DCAF1: variants seen among roughly 807,000 people sequenced by gnomAD.
DCAF1 encodes DDB1- and CUL4-associated factor 1.
Under a neutral mutation model 128.0 loss-of-function variants are expected in DCAF1, and 15 were observed. The observed-to-expected ratio is 0.12, with a 90% CI of 0.08 to 0.18. The LOEUF (loss-of-function observed/expected upper bound fraction) is 0.18. DCAF1 is among the 10% of genes least tolerant of loss of function. The pLI is 1.00. For missense variants in DCAF1, 988 were observed against 1,649.5 expected, an observed-to-expected ratio of 0.60 and a Z score of 6.95; for synonymous variants, 610 against 603.0, an observed-to-expected ratio of 1.01 and a Z score of -0.17.
chr3:51,402,999 G>T (rs2089842074), intron 24 of DCAF1, 144 bp downstream of exon 24: 5 of 1,336,432 alleles, frequency 3.7e-6, no homozygotes. Context: ...ATGCAAAGGT[G>T]CTTTGCCTCA....
chr3:51,472,172 T>C (rs1319417437), intron 3 of DCAF1, among the ~76,000 whole-genome samples: 1 of 152,202 alleles, frequency 6.6e-6, no homozygotes, highest in East Asian at 1.9e-4. Context: ...TGCTGCTTCC[T>C]GACCACTTCT....
At chr3:51,468,011 G>C (rs1413247180) in intron 4 of DCAF1, among the ~76,000 whole-genome samples, 1 of 152,162 alleles carries the variant, frequency 6.6e-6, no homozygotes, top group South Asian at 2.1e-4. Flanking sequence ...TCAGGGTGAC[G>C]GGGGTGAATT....
chr3:51,458,490 C>G (rs1703173168), intron 6 of DCAF1, among the ~76,000 whole-genome samples: 1 of 152,148 alleles, frequency 6.6e-6, no homozygotes, highest in South Asian at 2.1e-4. Context: ...CCACTGTCAA[C>G]ATCAGACAGA....
chr3:51,420,287 A>C lies in DCAF1; in HGVS notation c.2683T>G (p.Ser895Ala). Reference sequence around the variant, plus strand: ...GGGGTTCGGGGTAGAGAGACAGGAGAAGCAGCAGCAGTGACTGGGGTAAAG... The same window carrying C: ...GGGGTTCGGGGTAGAGAGACAGGAGCAGCAGCAGCAGTGACTGGGGTAAAG... ...SAFTPVTAAA[S>A]PVSLPRTPRI... The change falls in exon 15 of 25, where the codon TCT becomes GCT. Residue 895 changes from serine (S) to alanine (A), a missense_variant. Around this residue, in one of 11 missense-constraint regions of DCAF1, gnomAD observed 88 missense variants for 107.7 expected, o/e 0.82. Coordinates refer to ENST00000684031, the MANE Select transcript of DCAF1 (RefSeq NM_001387579.1). This position sits in a 1 kb window ranked among gnomAD's most constrained non-coding sequence, Gnocchi z 6.5. The C allele has an allele frequency of 1.2e-6, 2 of 1,613,960 alleles. No homozygotes were observed. Among genetic ancestry groups the C allele is most frequent in the South Asian group, 2.2e-5 (2 of 91,076 alleles).
chr3:51,492,215 G>A (rs540975617), intron 2 of DCAF1, among the ~76,000 whole-genome samples: 1 of 152,082 alleles, frequency 6.6e-6, no homozygotes, highest in Admixed American at 6.6e-5. Flanking sequence ...AGCGAAGTTG[G>A]ATCTTTGCCT....
Position 51,433,128 on chromosome 3 carries a change from T to C in DCAF1, c.1265A>G (p.Tyr422Cys). 2.5e-6 allele frequency: 1 copy of C among 398,502 alleles called. No individual in the cohort carries two copies. Among genetic ancestry groups the C allele is most frequent in the Non-Finnish European group, 4.4e-6 (1 of 226,028 alleles). 24.7% of individuals were successfully genotyped at this position (398,502 alleles called of 1,614,324 possible). Residue 422 changes from tyrosine to cysteine, a missense_variant, in exon 10 of 25, where the codon TAC (tyrosine) becomes TGC (cysteine). This residue lies in a region of DCAF1 where 185 missense variants were observed against 248.1 expected (regional missense o/e 0.75). Coordinates refer to ENST00000684031, the MANE Select transcript of DCAF1 (RefSeq NM_001387579.1). ...GVSMCLYYLS[Y>C]NQDAMERVCM... ...TACTCTTTCCATGGCATCCTGATTG[T>C]AGGATAGGTAATACAAACACATAGA...
chr3:51,427,291 A>G, intron 13 of DCAF1, 81 bp downstream of exon 13: 1 of 583,332 alleles, frequency 1.7e-6, no homozygotes, highest in East Asian at 2.8e-5. Flanking sequence ...ATGTTTGTTA[A>G]GCATATACAA....
rs868931306 is a variant in DCAF1, at chr3:51,490,301, T to C, written c.-9+6433A>G. Among the ~76,000 whole-genome samples, 7 of 152,142 alleles carry C rather than the reference T, an allele frequency of 4.6e-5. No homozygotes were observed. In the South Asian group the frequency reaches 1.5e-3, roughly 32 times the overall value. ...GCATGGTGTGCACCTGTACCAGGTATGCACCTGTACTCCCAGCTACTCGGT... is the reference window on the plus strand; with the variant it reads ...GCATGGTGTGCACCTGTACCAGGTACGCACCTGTACTCCCAGCTACTCGGT... On this transcript the variant is annotated intron_variant, in intron 2 of 24. Transcript: ENST00000684031.
Position 51,413,290 on chromosome 3 carries a change from T to C in DCAF1, c.4028A>G (p.Lys1343Arg). 1 of 1,613,358 alleles carries C rather than the reference T, an allele frequency of 6.2e-7. No individual in the cohort carries two copies. The highest frequency in any genetic ancestry group is 8.5e-7 in the Non-Finnish European group (1 of 1,179,644). The change falls in exon 21 of 25, where the codon AAA becomes AGA. Residue 1343 changes from lysine to arginine, a missense_variant. Physicochemically the swap from Lys to Arg is conservative, Grantham distance 26. Around this residue, in one of 11 missense-constraint regions of DCAF1, gnomAD observed 85 missense variants for 204.6 expected, o/e 0.42. Transcript: ENST00000684031. ...TGTCCCTTTCTGCTTACCTATAGGT[T>C]TGTAGTCAGTTGCATTAAATGTTCG... ...SFRTFNATDY[K>R]PIATIDVKRN...
intron 1 of DCAF1, among the ~76,000 whole-genome samples, chr3:51,499,377 A>G (rs1479842640): frequency 6.6e-6 from 1 of 152,126 alleles, no homozygotes; most frequent in Non-Finnish European, 1.5e-5. Context: ...AGGCGGGTGC[A>G]GGGAGAGGTG....
At chr3:51,458,207 G>C (rs1703137058) in intron 6 of DCAF1, among the ~76,000 whole-genome samples, 1 of 152,052 alleles carries the variant, frequency 6.6e-6, no homozygotes, top group African/African-American at 2.4e-5. Context: ...CAAAAGAAAG[G>C]GATGGAGGAA....
chr3:51,406,992 G>A (rs1457002280), intron 23 of DCAF1, among the ~76,000 whole-genome samples: 2 of 152,000 alleles, frequency 1.3e-5, no homozygotes, highest in Non-Finnish European at 2.9e-5. Context: ...TCAGGAGTTC[G>A]AGACCAGCCT....
chr3:51,413,204 C>G (rs1262051117), intron 21 of DCAF1, 78 bp downstream of exon 21: 7 of 1,548,664 alleles, frequency 4.5e-6, no homozygotes, highest in Non-Finnish European at 6.1e-6. Flanking sequence ...AAATTACAGG[C>G]CTCCAGAAAA....
intron 2 of DCAF1, among the ~76,000 whole-genome samples, chr3:51,489,825 G>T (rs1045785939): frequency 8.0e-4 from 43 of 53,602 alleles, no homozygotes; most frequent in African/African-American, 4.7e-3. Context: ...GTGTGTGTGT[G>T]TGTGTGTATA....
At chr3:51,457,070 T>C (rs1371331868) in intron 6 of DCAF1, among the ~76,000 whole-genome samples, 1 of 152,074 alleles carries the variant, frequency 6.6e-6, no homozygotes, top group Non-Finnish European at 1.5e-5. Flanking sequence ...GGAGAATGAC[T>C]TTGATGAGTT....
At chr3:51,422,528 A>C in intron 13 of DCAF1, 97 bp from the exon 14 acceptor site, 1 of 679,376 alleles carries the variant, frequency 1.5e-6, no homozygotes, top group Non-Finnish European at 2.7e-6. Flanking sequence ...ACACATACAC[A>C]CAGAGACAAT....
intron 13 of DCAF1, among the ~76,000 whole-genome samples, chr3:51,425,528 T>TACCC (rs1699825689): frequency 6.8e-6 from 1 of 147,828 alleles, no homozygotes; most frequent in Non-Finnish European, 1.5e-5. Context: ...AATGTATTTA[T>TACCC]ACCCTTTCTA....
At chr3:51,475,554 G>T (rs1553650195) in intron 3 of DCAF1, among the ~76,000 whole-genome samples, 1 of 152,096 alleles carries the variant, frequency 6.6e-6, no homozygotes, top group Non-Finnish European at 1.5e-5. Flanking sequence ...GCTGCAGTAA[G>T]CTATGATAAA....
At chr3:51,419,057 A>G (rs949476926) in intron 15 of DCAF1, among the ~76,000 whole-genome samples, 181 bp from the exon 16 acceptor site, 2 of 152,202 alleles carry the variant, frequency 1.3e-5, no homozygotes, top group East Asian at 1.9e-4. Flanking sequence ...ACAAATTTAA[A>G]TAACAAAAAT....
Sources: allele counts gnomAD v4.1 joint callset (sites outside exome capture counted in the v4.1 genomes callset), GRCh38; gene constraint gnomAD v4.1.1; regional missense constraint gnomAD v4.1.1; non-coding constraint Gnocchi (gnomAD v3.1); transcripts MANE v1.5; gene names NCBI Gene and HGNC (gene_info 2026-07-23, HGNC 2026-07-21).